The following NTRK2 variants were observed in gnomAD, a reference collection of about 807,000 sequenced individuals.
The protein encoded by NTRK2 is BDNF/NT-3 growth factors receptor.
A neutral mutation model predicts 94.5 loss-of-function variants in NTRK2; 13 were observed. The observed-to-expected ratio is 0.14, with a 90% CI of 0.09 to 0.22. The LOEUF (loss-of-function observed/expected upper bound fraction) is 0.22. NTRK2 is among the 10% of genes least tolerant of loss of function. NTRK2 has a pLI of 1.00. For synonymous variants in NTRK2, 372 were observed against 407.4 expected (o/e 0.91, Z 1.05); for missense variants, 639 against 1,071.2 (o/e 0.60, Z 5.63).
intron 12 of NTRK2, among the ~76,000 whole-genome samples, chr9:84,818,145 G>A (rs943874217): frequency 2.6e-5 from 4 of 152,120 alleles, no homozygotes; most frequent in African/African-American, 9.7e-5. Context: ...GTATTGTAAC[G>A]ATTAGGAAAC....
chr9:84,889,587 A>C (rs1340853956), intron 14 of NTRK2, among the ~76,000 whole-genome samples: 4 of 151,876 alleles, frequency 2.6e-5, no homozygotes, highest in Non-Finnish European at 5.9e-5. Context: ...TCATTTTTGC[A>C]TTTTTAGTAG....
chr9:84,733,656 C>T (rs1410189606), intron 9 of NTRK2, among the ~76,000 whole-genome samples: 1 of 152,208 alleles, frequency 6.6e-6, no homozygotes, highest in South Asian at 2.1e-4. Flanking sequence ...TTATTCCTGT[C>T]CCCTGTTCCT....
At chr9:85,007,614 C>T (rs1024906194) in intron 17 of NTRK2, among the ~76,000 whole-genome samples, 3 of 152,142 alleles carry the variant, frequency 2.0e-5, no homozygotes, top group African/African-American at 7.2e-5. Context: ...TAGACAGACT[C>T]GAGATGTCTT....
intron 12 of NTRK2, among the ~76,000 whole-genome samples, chr9:84,781,475 A>G (rs1218182376): frequency 1.3e-5 from 2 of 152,168 alleles, no homozygotes; most frequent in South Asian, 4.2e-4. Flanking sequence ...CTAATTCAAG[A>G]ATTACCCATT....
At chr9:84,947,832 T>C (rs1475812947) in intron 15 of NTRK2, among the ~76,000 whole-genome samples, 1 of 152,158 alleles carries the variant, frequency 6.6e-6, no homozygotes, top group African/African-American at 2.4e-5. Context: ...GACACCACAG[T>C]GGCAGAGTTA....
intron 12 of NTRK2, among the ~76,000 whole-genome samples, chr9:84,800,013 G>T (rs192403795): frequency 6.6e-6 from 1 of 152,212 alleles, no homozygotes; most frequent in Admixed American, 6.5e-5. Context: ...CTGTAATTTA[G>T]GTGCAATTAG....
Position 84,860,895 on chromosome 9 carries a change from A to T in NTRK2, c.1397-145A>T, listed in dbSNP as rs73651136. ...AGCTTTCATCCCAAGTGGTTTGTTTATTTATTTATTTATTTATTTATTTAT... is the reference window on the plus strand; with the variant it reads ...AGCTTTCATCCCAAGTGGTTTGTTTTTTTATTTATTTATTTATTTATTTAT... On this transcript the variant is annotated intron_variant, in intron 12 of 18. Transcript: ENST00000277120. The T allele has an allele frequency of 3.9e-3, 155 of 39,948 alleles. 2 individuals carry two copies. The highest frequency in any genetic ancestry group is 0.015 in the Admixed American group (41 of 2,718). The allele number at this position is 39,948 out of a possible 1,614,324, so 2.5% of individuals were successfully genotyped here. A position where few individuals can be genotyped will look rare whatever the true frequency, so the allele number is the denominator to read the frequency against.
chr9:84,924,570 C>T (rs2077692825), intron 14 of NTRK2, among the ~76,000 whole-genome samples: 1 of 152,214 alleles, frequency 6.6e-6, no homozygotes, highest in African/African-American at 2.4e-5. Context: ...GTGTGTAGAA[C>T]AGATATAATT....
At chr9:85,012,454 C>T (rs1831724174) in intron 17 of NTRK2, among the ~76,000 whole-genome samples, 1 of 152,164 alleles carries the variant, frequency 6.6e-6, no homozygotes, top group Admixed American at 6.5e-5. Context: ...GTGTGCCTGA[C>T]TAAAGCAAGT....
chr9:84,884,817 T>C (rs1252592289), intron 14 of NTRK2, among the ~76,000 whole-genome samples: 3 of 152,250 alleles, frequency 2.0e-5, no homozygotes, highest in Non-Finnish European at 4.4e-5. Flanking sequence ...CTAATTATAC[T>C]GTGTGTAGTG....
intron 5 of NTRK2, 97 bp from the exon 6 acceptor site, chr9:84,710,540 G>A: frequency 3.1e-6 from 4 of 1,308,656 alleles, no homozygotes; most frequent in Non-Finnish European, 4.4e-6. Flanking sequence ...AGCATTGCTG[G>A]CTAGAAAGAA....
At chr9:84,805,062 G>A (rs2070950389) in intron 12 of NTRK2, among the ~76,000 whole-genome samples, 1 of 152,212 alleles carries the variant, frequency 6.6e-6, no homozygotes, top group Non-Finnish European at 1.5e-5. Flanking sequence ...CCTCTGTGAA[G>A]TCTCTGAAAT....
chr9:84,813,465 G>A (rs200998907), intron 12 of NTRK2: 7 of 1,064,572 alleles, frequency 6.6e-6, no homozygotes, highest in South Asian at 4.6e-5. Context: ...GTTCTCTCAC[G>A]GTATCCTTCT....
intron 2 of NTRK2, among the ~76,000 whole-genome samples, chr9:84,687,854 C>A (rs1164493971): frequency 2.0e-5 from 3 of 151,968 alleles, no homozygotes; most frequent in Non-Finnish European, 4.4e-5. Context: ...TGGTCTGTTT[C>A]AAGGGCACAA....
chr9:84,855,788 G>T (rs950625999), intron 12 of NTRK2, among the ~76,000 whole-genome samples: 5 of 152,162 alleles, frequency 3.3e-5, no homozygotes, highest in Admixed American at 1.3e-4. Flanking sequence ...AATACCAAGA[G>T]AATTCGTTGT....
At chr9:84,802,659 C>A (rs1370518966) in intron 12 of NTRK2, among the ~76,000 whole-genome samples, 1 of 152,176 alleles carries the variant, frequency 6.6e-6, no homozygotes, top group African/African-American at 2.4e-5. Context: ...CTGCCTCAGT[C>A]GGAACATATA....
At chr9:84,928,102 T>G (rs138088523) in intron 14 of NTRK2, among the ~76,000 whole-genome samples, 42 of 152,352 alleles carry the variant, frequency 2.8e-4, no homozygotes, top group African/African-American at 9.1e-4. Flanking sequence ...TAGCCTTTTC[T>G]TGTTCTGGTG....
At chr9:84,919,586 G>A (rs2077499032) in intron 14 of NTRK2, among the ~76,000 whole-genome samples, 1 of 152,094 alleles carries the variant, frequency 6.6e-6, no homozygotes, top group Admixed American at 6.5e-5. Flanking sequence ...CCATTTCACC[G>A]AGTCATTTTA....
chr9:84,837,686 A>T (rs995325342), intron 12 of NTRK2, among the ~76,000 whole-genome samples: 2 of 152,232 alleles, frequency 1.3e-5, no homozygotes, highest in Non-Finnish European at 2.9e-5. Flanking sequence ...TAAACTCAGG[A>T]TCCAGTAACT....
Sources: allele counts gnomAD v4.1 joint callset (sites outside exome capture counted in the v4.1 genomes callset), GRCh38; gene constraint gnomAD v4.1.1; transcripts MANE v1.5; gene names NCBI Gene and HGNC (gene_info 2026-07-23, HGNC 2026-07-21).